Variants in DAGLA observed in about 807,000 individuals in gnomAD.
DAGLA encodes diacylglycerol lipase-alpha.
A neutral mutation model predicts 102.6 loss-of-function variants in DAGLA; 22 were observed. The observed-to-expected ratio is 0.21, with a 90% CI of 0.15 to 0.31. DAGLA has a LOEUF of 0.31. Ranked by LOEUF, DAGLA falls within the 10% of genes least tolerant of loss-of-function variation. The pLI is 1.00. For missense variants in DAGLA, 927 were observed against 1,446.6 expected (o/e 0.64, Z 5.83); for synonymous variants, 578 against 628.9 (o/e 0.92, Z 1.21).
intron 18 of DAGLA, 45 bp from the exon 19 acceptor site, chr11:61,741,117 C>CT (rs758123405): frequency 1.9e-6 from 3 of 1,559,972 alleles, no homozygotes; most frequent in Non-Finnish European, 2.6e-6. Flanking sequence ...ACGATGGGGC[C>CT]TGATGTCCCT....
chr11:61,717,680 G>T (rs1030098193), intron 1 of DAGLA, among the ~76,000 whole-genome samples: 6 of 152,178 alleles, frequency 3.9e-5, no homozygotes, highest in Non-Finnish European at 8.8e-5. Flanking sequence ...CAGCCTCTGT[G>T]CCTCGGATTC....
intron 1 of DAGLA, among the ~76,000 whole-genome samples, chr11:61,700,502 C>T (rs1591029235): frequency 6.6e-6 from 1 of 152,346 alleles, no homozygotes; most frequent in East Asian, 1.9e-4. Context: ...GTGTGGCCTG[C>T]AAGCGTCCTT....
intron 1 of DAGLA, among the ~76,000 whole-genome samples, chr11:61,709,262 C>G (rs894764650): frequency 6.6e-6 from 1 of 152,164 alleles, no homozygotes; most frequent in Non-Finnish European, 1.5e-5. Flanking sequence ...GTTCTGTCAC[C>G]TAGAGCTATT....
intron 1 of DAGLA, among the ~76,000 whole-genome samples, chr11:61,707,260 C>T (rs1428349783): frequency 6.6e-5 from 10 of 152,266 alleles, no homozygotes; most frequent in Non-Finnish European, 1.3e-4. Flanking sequence ...GACAGCGTGA[C>T]AAGGCTGGGC....
chr11:61,734,717 C>A lies in DAGLA; in HGVS notation c.975-132C>A. The A allele has an allele frequency of 1.2e-6, 1 of 839,744 alleles. No individual in the cohort carries two copies. The highest frequency in any genetic ancestry group is 1.9e-6 in the Non-Finnish European group (1 of 530,108). The allele number at this position is 839,744 out of a possible 1,614,324, so 52.0% of individuals were successfully genotyped here. A position where few individuals can be genotyped will look rare whatever the true frequency, so the allele number is the denominator to read the frequency against. On this transcript the variant is annotated intron_variant, in intron 9 of 19. Transcript: ENST00000257215. This position sits in a 1 kb window ranked among gnomAD's most constrained non-coding sequence, Gnocchi z 4.2. ...TTTGGTGACGTGGGGGTCACTAGGA[C>A]TTAGCAAGGGCAATTTGGTAGAGGC...
At chr11:61,713,262 A>G (rs1048288581) in intron 1 of DAGLA, among the ~76,000 whole-genome samples, 1 of 152,226 alleles carries the variant, frequency 6.6e-6, no homozygotes. Flanking sequence ...CCTGCTTCTC[A>G]GAAACAGCAT....
At chr11:61,733,920 T>A (rs998482876) in intron 9 of DAGLA, among the ~76,000 whole-genome samples, 1 of 140,060 alleles carries the variant, frequency 7.1e-6, no homozygotes, top group Non-Finnish European at 1.6e-5. Context: ...GACAGGACGT[T>A]TGAACAGAGG....
intron 6 of DAGLA, among the ~76,000 whole-genome samples, chr11:61,726,896 C>A: frequency 6.6e-6 from 1 of 152,246 alleles, no homozygotes; most frequent in Non-Finnish European, 1.5e-5. Flanking sequence ...CCGAGGTTCC[C>A]TGGTGGGCGG....
At chr11:61,733,498 A>G (rs1446817274) in intron 9 of DAGLA, among the ~76,000 whole-genome samples, 1 of 152,240 alleles carries the variant, frequency 6.6e-6, no homozygotes, top group African/African-American at 2.4e-5. Context: ...TAGCATCACC[A>G]GAATCCAAGC....
Position 61,743,684 on chromosome 11 carries a change from C to A in DAGLA, c.2324C>A (p.Ala775Glu), listed in dbSNP as rs1422323682. 6.2e-7 allele frequency: 1 copy of A among 1,601,240 alleles called. No individual in the cohort carries two copies. The highest frequency in any genetic ancestry group is 1.1e-5 in the South Asian group (1 of 90,526). ...RLAAELQARRAPLATMESLSD... is the reference protein window; with the variant it reads ...RLAAELQARREPLATMESLSD... Reference sequence around the variant, plus strand: ...GCGGCGGAGCTGCAGGCCCGGCGGGCACCACTGGCCACCATGGAGAGCCTC... The same window carrying A: ...GCGGCGGAGCTGCAGGCCCGGCGGGAACCACTGGCCACCATGGAGAGCCTC... The change falls in exon 20 of 20, where the codon GCA becomes GAA. Residue 775 changes from alanine to glutamate, a missense_variant. Ala to Glu is a moderately radical substitution (Grantham distance 107). Coordinates refer to ENST00000257215, the MANE Select transcript of DAGLA (RefSeq NM_006133.3).
At chr11:61,688,143 C>T (rs1189963638) in intron 1 of DAGLA, among the ~76,000 whole-genome samples, 3 of 151,820 alleles carry the variant, frequency 2.0e-5, no homozygotes, top group Admixed American at 1.3e-4. Flanking sequence ...GGTGAAACCC[C>T]GTCTCACTAA....
At chr11:61,727,304 C>T (rs1394446389) in intron 6 of DAGLA, among the ~76,000 whole-genome samples, 3 of 152,246 alleles carry the variant, frequency 2.0e-5, no homozygotes, top group African/African-American at 7.2e-5. Flanking sequence ...CAGCTGGAGC[C>T]GAGCAGTATC....
Position 61,728,918 on chromosome 11 carries a change from G to C in DAGLA, c.772-13G>C. On this transcript the variant is annotated splice_polypyrimidine_tract_variant and intron_variant, in intron 7 of 19. Transcript: ENST00000257215. ...GGCCAGTGATTGTCCTTCTTCACCT[G>C]CCGGTCTTACAGGCAAACAATGACA... is the stretch of plus-strand genomic sequence containing the variant. The C allele has an allele frequency of 6.2e-7, 1 of 1,613,752 alleles. No individual in the cohort carries two copies. The highest frequency in any genetic ancestry group is 1.1e-5 in the South Asian group (1 of 91,062).
chr11:61,739,408 C>G, intron 16 of DAGLA, 57 bp from the exon 17 acceptor site: 2 of 1,439,362 alleles, frequency 1.4e-6, no homozygotes, highest in Non-Finnish European at 1.9e-6. Flanking sequence ...CCTGCCCCTG[C>G]CCCCCAGCCA....
intron 1 of DAGLA, among the ~76,000 whole-genome samples, chr11:61,683,212 G>T (rs1418300482): frequency 6.6e-6 from 1 of 152,196 alleles, no homozygotes; most frequent in Admixed American, 6.5e-5. Context: ...CTGTGCCCAG[G>T]CTGCAGTGTC....
At chr11:61,692,800 T>C (rs2065033995) in intron 1 of DAGLA, among the ~76,000 whole-genome samples, 1 of 151,786 alleles carries the variant, frequency 6.6e-6, no homozygotes, top group Non-Finnish European at 1.5e-5. Context: ...CCGTACATCT[T>C]GTATGTGGAC....
chr11:61,731,511 C>A, intron 9 of DAGLA, 70 bp downstream of exon 9: 1 of 1,588,690 alleles, frequency 6.3e-7, no homozygotes, highest in Non-Finnish European at 8.6e-7. Context: ...GAAGGGCTAC[C>A]GGGCTGCGCC....
chr11:61,694,168 C>T (rs761340999), intron 1 of DAGLA, among the ~76,000 whole-genome samples: 7 of 152,226 alleles, frequency 4.6e-5, no homozygotes, highest in African/African-American at 1.4e-4. Flanking sequence ...CTGTAGGATT[C>T]GGGGAATCAG....
chr11:61,744,308 C>T lies in DAGLA; in HGVS notation c.2948C>T (p.Ser983Phe). The T allele has an allele frequency of 6.2e-7, 1 of 1,612,778 alleles. No individual in the cohort carries two copies. Among genetic ancestry groups the T allele is most frequent in the Non-Finnish European group, 8.5e-7 (1 of 1,179,796 alleles). Reference sequence around the variant, plus strand: ...CTCTTTGCCGGCTCAGCCGACCCCTCCTCGGGCATCTCACTCTCGCCCTCC... The same window carrying T: ...CTCTTTGCCGGCTCAGCCGACCCCTTCTCGGGCATCTCACTCTCGCCCTCC... ...PRLFAGSADPSSGISLSPSFP... is the reference protein window; with the variant it reads ...PRLFAGSADPFSGISLSPSFP... Residue 983 changes from serine (S) to phenylalanine (F), a missense_variant, in exon 20 of 20, where the codon TCC becomes TTC. This residue lies in a region of DAGLA where 434 missense variants were observed against 503.3 expected (regional missense o/e 0.86). Transcript: ENST00000257215.
Sources: allele counts gnomAD v4.1 joint callset (sites outside exome capture counted in the v4.1 genomes callset), GRCh38; gene constraint gnomAD v4.1.1; regional missense constraint gnomAD v4.1.1; non-coding constraint Gnocchi (gnomAD v3.1); transcripts MANE v1.5; gene names NCBI Gene and HGNC (gene_info 2026-07-23, HGNC 2026-07-21).